The following LRBA variants were observed in gnomAD, a reference collection of about 807,000 sequenced individuals.
LRBA encodes the protein LPS responsive beige-like anchor protein.
A neutral mutation model predicts 330.0 loss-of-function variants in LRBA; 176 were observed. The observed-to-expected ratio is 0.53, with a 90% CI of 0.47 to 0.60. The LOEUF is 0.60. LRBA is among the 20% of genes least tolerant of loss of function. LRBA has a pLI of 0.00. For missense variants in LRBA, 3,259 were observed against 3,444.8 expected (o/e 0.95, Z 1.35); for synonymous variants, 1,230 against 1,193.0 (o/e 1.03, Z -0.64).
intron 47 of LRBA, among the ~76,000 whole-genome samples, chr4:150,406,097 GA>G (rs1358243875): frequency 6.6e-6 from 1 of 151,684 alleles, no homozygotes; most frequent in Non-Finnish European, 1.5e-5. Flanking sequence ...ATACGACTAA[GA>G]AAAGAACTAA....
At chr4:150,284,720 T>A (rs1747936060) in intron 54 of LRBA, among the ~76,000 whole-genome samples, 1 of 151,888 alleles carries the variant, frequency 6.6e-6, no homozygotes, top group African/African-American at 2.4e-5. Context: ...GAGATGGGGG[T>A]CTCACTATGT....
chr4:150,987,269 C>T lies in LRBA; in HGVS notation c.216+27158G>A, dbSNP rs146134135. Among the ~76,000 whole-genome samples the T allele has an allele frequency of 7.4e-3, 1,132 of 152,216 alleles. 7 individuals carry two copies. Among genetic ancestry groups the T allele is most frequent in the African/African-American group, 0.026 (1,061 of 41,526 alleles). On this transcript the variant is annotated intron_variant, in intron 2 of 56. Coordinates refer to ENST00000651943, the MANE Select transcript of LRBA (RefSeq NM_001364905.1). ...TACTCCAGTAATGACAAGAGCAAAA[C>T]AAAAATACATCAAGTCTTTCTCAAA...
Position 150,815,764 on chromosome 4 carries a change from C to T in LRBA, c.5305+1360G>A, listed in dbSNP as rs185579464. On this transcript the variant is annotated intron_variant, in intron 31 of 56. Transcript: ENST00000651943. ...GCCAGTAGCCCAACTTCATGGAGAT[C>T]CAAATGACTTCATAATACACTTTCT... Among the ~76,000 whole-genome samples the T allele has an allele frequency of 1.2e-3, 179 of 151,896 alleles. 1 individual carries two copies. Among genetic ancestry groups the T allele is most frequent in the Middle Eastern group, 3.4e-3 (1 of 294 alleles).
At chr4:150,432,228 G>A (rs1750482304) in intron 46 of LRBA, among the ~76,000 whole-genome samples, 2 of 151,900 alleles carry the variant, frequency 1.3e-5, no homozygotes, top group Non-Finnish European at 2.9e-5. Context: ...ATCAGGCAAG[G>A]TATGCTTTAG....
At chr4:150,959,230 G>A (rs146280334) in intron 2 of LRBA, among the ~76,000 whole-genome samples, 3,758 of 149,008 alleles carry the variant, frequency 0.025, 624 homozygotes, top group African/African-American at 0.093. Flanking sequence ...GTGTGCAGGG[G>A]AACTCCCCTT....
intron 56 of LRBA, among the ~76,000 whole-genome samples, chr4:150,276,938 G>T (rs1335637114): frequency 2.6e-5 from 4 of 152,108 alleles, no homozygotes; most frequent in Admixed American, 6.6e-5. Context: ...ATACCCAAAG[G>T]ATTATAAATC....
intron 37 of LRBA, among the ~76,000 whole-genome samples, chr4:150,669,864 C>T (rs1017292234): frequency 2.6e-5 from 4 of 152,152 alleles, no homozygotes; most frequent in Non-Finnish European, 5.9e-5. Context: ...CTGTGTCCGG[C>T]CAATATTTTC....
intron 39 of LRBA, among the ~76,000 whole-genome samples, chr4:150,588,504 C>G (rs911804036): frequency 2.0e-5 from 3 of 152,160 alleles, no homozygotes; most frequent in Non-Finnish European, 4.4e-5. Flanking sequence ...CATCCACATT[C>G]CATTTAGAAA....
intron 31 of LRBA, among the ~76,000 whole-genome samples, chr4:150,815,226 C>A (rs1161679687): frequency 1.3e-5 from 2 of 151,200 alleles, no homozygotes; most frequent in African/African-American, 4.9e-5. Flanking sequence ...GCATTTTTCA[C>A]AAAAGGGACT....
At chr4:150,846,709 C>A (rs1317131360) in intron 26 of LRBA, among the ~76,000 whole-genome samples, 1 of 151,884 alleles carries the variant, frequency 6.6e-6, no homozygotes, top group Non-Finnish European at 1.5e-5. Context: ...CACTTGTACC[C>A]CATAAATTTA....
chr4:150,752,106 G>T (rs1158130518), intron 35 of LRBA, among the ~76,000 whole-genome samples: 5 of 152,120 alleles, frequency 3.3e-5, no homozygotes, highest in African/African-American at 1.2e-4. Flanking sequence ...AATTTCTTTA[G>T]AATTAGCTAC....
chr4:150,814,499 A>G (rs186718122), intron 31 of LRBA, among the ~76,000 whole-genome samples: 22 of 152,114 alleles, frequency 1.4e-4, no homozygotes, highest in Admixed American at 1.1e-3. Context: ...GAAATAGAGA[A>G]CCCATATGAC....
chr4:150,431,230 T>A (rs1217149577), intron 46 of LRBA, among the ~76,000 whole-genome samples: 1 of 152,244 alleles, frequency 6.6e-6, no homozygotes, highest in Non-Finnish European at 1.5e-5. Flanking sequence ...TAAAATATTA[T>A]TTATCACAGT....
chr4:150,903,312 G>C (rs1169161194), intron 13 of LRBA, among the ~76,000 whole-genome samples: 1 of 152,170 alleles, frequency 6.6e-6, no homozygotes, highest in Non-Finnish European at 1.5e-5. Context: ...TTGAGCCCAG[G>C]AGTTTAAGGT....
chr4:150,554,511 G>A (rs916340062), intron 40 of LRBA, among the ~76,000 whole-genome samples: 1 of 152,082 alleles, frequency 6.6e-6, no homozygotes, highest in East Asian at 1.9e-4. Context: ...TAAAATTATA[G>A]CACAGTGATG....
chr4:150,368,131 G>A (rs758657449), intron 47 of LRBA, among the ~76,000 whole-genome samples: 31 of 151,992 alleles, frequency 2.0e-4, no homozygotes, highest in Non-Finnish European at 3.7e-4. Context: ...CAAGGTGCCG[G>A]TTCCAGATTT....
Position 150,302,792 on chromosome 4 carries a change from CCTGTAATGCAAAACAATTTT to C in LRBA, c.7850-20_7850-1del. ...GCCAAACACCACTTGGATCAATCTT[CCTGTAATGCAAAACAATTTT>C]CTTTAAAAATGCTATTAAAAAAATA... is the stretch of plus-strand genomic sequence containing the variant. On this transcript the variant is annotated splice_acceptor_variant and splice_polypyrimidine_tract_variant and intron_variant, in intron 52 of 56. Transcript: ENST00000651943. LOFTEE classifies it high-confidence loss of function. 2 of 1,569,052 alleles carry C rather than the reference CCTGTAATGCAAAACAATTTT, an allele frequency of 1.3e-6. No homozygotes were observed. Among genetic ancestry groups the C allele is most frequent in the Non-Finnish European group, 1.7e-6 (2 of 1,158,710 alleles).
intron 37 of LRBA, among the ~76,000 whole-genome samples, chr4:150,640,096 A>G (rs1234049455): frequency 1.3e-5 from 2 of 151,354 alleles, no homozygotes; most frequent in African/African-American, 2.4e-5. Flanking sequence ...GACCTAGGCA[A>G]TCGACCCGCC....
At chr4:150,337,797 C>T (rs1734949815) in intron 48 of LRBA, among the ~76,000 whole-genome samples, 1 of 152,100 alleles carries the variant, frequency 6.6e-6, no homozygotes, top group Non-Finnish European at 1.5e-5. Context: ...ACAGTCACAA[C>T]AAAGATTCTT....
Sources: allele counts gnomAD v4.1 joint callset (sites outside exome capture counted in the v4.1 genomes callset), GRCh38; gene constraint gnomAD v4.1.1; transcripts MANE v1.5; gene names NCBI Gene and HGNC (gene_info 2026-07-23, HGNC 2026-07-21).